C1QTNF3: variants seen among roughly 807,000 people sequenced by gnomAD.
The protein encoded by C1QTNF3 is complement C1q tumor necrosis factor-related protein 3.
C1QTNF3 carries 26 observed loss-of-function variants against 32.6 expected under a neutral mutation model. The ratio of observed to expected loss-of-function variants is 0.80; its 90% CI spans 0.58 to 1.11. The LOEUF (loss-of-function observed/expected upper bound fraction) is 1.11, where lower values mean the gene tolerates loss of function less well. Ranked by LOEUF, C1QTNF3 falls within the 50% of genes least tolerant of loss-of-function variation. The pLI is 0.00. For synonymous variants in C1QTNF3, 155 were observed against 146.0 expected, an observed-to-expected ratio of 1.06 and a Z score of -0.44; for missense variants, 362 against 398.2, an observed-to-expected ratio of 0.91 and a Z score of 0.77.
At chr5:34,132,435 G>GTATATATATATATA in the C1QTNF3 span, among the ~76,000 whole-genome samples, 502 of 137,436 alleles carry the variant, frequency 3.7e-3, 6 homozygotes, top group African/African-American at 5.4e-3. Flanking sequence ...GTATGTGTAT[G>GTATATATATATATA]TATATATATA....
chr5:34,207,217 A>G, the C1QTNF3 span, among the ~76,000 whole-genome samples: 1 of 152,082 alleles, frequency 6.6e-6, no homozygotes, highest in African/African-American at 2.4e-5. Context: ...CCTGGGGTAT[A>G]ATAAGAGATG....
the C1QTNF3 span, among the ~76,000 whole-genome samples, chr5:34,068,438 A>G: frequency 3.3e-5 from 5 of 151,994 alleles, no homozygotes; most frequent in African/African-American, 1.2e-4. Flanking sequence ...CATAAAATCA[A>G]TTGATCCTCA....
At chr5:34,035,803 A>C (rs771711195) in intron 1 of C1QTNF3, 45 bp from the exon 2 acceptor site, 8 of 1,450,762 alleles carry the variant, frequency 5.5e-6, no homozygotes, top group Non-Finnish European at 3.8e-6. Flanking sequence ...GGTACTTGTG[A>C]GCAATTAGGA....
chr5:34,020,197 T>A lies in C1QTNF3; in HGVS notation c.*386A>T, dbSNP rs1276188733. 5.7e-6 allele frequency: 1 copy of A among 176,074 alleles called. No individual in the cohort carries two copies. Among genetic ancestry groups the A allele is most frequent in the African/African-American group, 2.4e-5 (1 of 42,046 alleles). 10.9% of individuals were successfully genotyped at this position (176,074 alleles called of 1,614,324 possible). ...CGATTCTCTCAAATGTTATAAAGAA[T>A]AATGAACTTAAAACTTCAGGGGTTC... On this transcript the variant is annotated 3_prime_UTR_variant, in exon 6 of 6. Coordinates refer to ENST00000382065, the MANE Select transcript of C1QTNF3 (RefSeq NM_181435.6).
At chr5:34,102,641 G>A in the C1QTNF3 span, among the ~76,000 whole-genome samples, 1 of 152,054 alleles carries the variant, frequency 6.6e-6, no homozygotes, top group East Asian at 1.9e-4. Flanking sequence ...AAGAAACACT[G>A]AATTACCCTT....
intron 3 of C1QTNF3, among the ~76,000 whole-genome samples, chr5:34,030,403 G>A (rs1409515432): frequency 3.9e-5 from 6 of 152,184 alleles, no homozygotes; most frequent in Non-Finnish European, 8.8e-5. Context: ...AAAGATATGA[G>A]ATTAAGGTCC....
At chr5:34,059,205 C>T in the C1QTNF3 span, among the ~76,000 whole-genome samples, 32 of 152,152 alleles carry the variant, frequency 2.1e-4, no homozygotes, top group Admixed American at 3.9e-4. Flanking sequence ...TGTGTGTCTC[C>T]TTGGTTTGCA....
Position 34,024,016 on chromosome 5 carries a change from A to C in C1QTNF3, c.701-8T>G. 2 of 1,610,238 alleles carry C rather than the reference A, an allele frequency of 1.2e-6. No homozygotes were observed. Among genetic ancestry groups the C allele is most frequent in the Non-Finnish European group, 1.7e-6 (2 of 1,176,738 alleles). On this transcript the variant is annotated splice_region_variant and splice_polypyrimidine_tract_variant and intron_variant, in intron 4 of 5. Transcript: ENST00000382065. ...AGGTGAAGAAATACACACCTGAAAA[A>C]AGCAGGTATATATCCATGTTGATAT...
chr5:34,044,748 A>G (rs1561063220), upstream of C1QTNF3, among the ~76,000 whole-genome samples: 2 of 152,174 alleles, frequency 1.3e-5, no homozygotes. Flanking sequence ...GTTCAGTCCA[A>G]GCAGTCAGTT....
chr5:34,211,644 T>A, the C1QTNF3 span, among the ~76,000 whole-genome samples: 1 of 150,646 alleles, frequency 6.6e-6, no homozygotes, highest in Non-Finnish European at 1.5e-5. Context: ...ATCCGGTGTT[T>A]GGTTTTTTGT....
rs748724274 is a variant in C1QTNF3 at position 34,028,861 on chromosome 5, G to A, written c.593C>T (p.Ala198Val). The change falls in exon 4 of 6, where the codon GCA (alanine) becomes GTA (valine). Residue 198 changes from alanine (A) to valine (V), a missense_variant. Transcript: ENST00000382065. Reference sequence around the variant, plus strand: ...ACTGTTCTGATTGCTGAAGTGGGTTGCCAGAGAAGCCATGAATGCAATCTA... The same window carrying A: ...ACTGTTCTGATTGCTGAAGTGGGTTACCAGAGAAGCCATGAATGCAATCTA... ...ELQIAFMASLATHFSNQNSGI... is the reference protein window; with the variant it reads ...ELQIAFMASLVTHFSNQNSGI... 1 of 1,611,558 alleles carries A rather than the reference G, an allele frequency of 6.2e-7. No individual in the cohort carries two copies. The highest frequency in any genetic ancestry group is 8.5e-7 in the Non-Finnish European group (1 of 1,178,608).
chr5:34,070,432 C>T, the C1QTNF3 span, among the ~76,000 whole-genome samples: 1 of 152,108 alleles, frequency 6.6e-6, no homozygotes, highest in Non-Finnish European at 1.5e-5. Flanking sequence ...ACTTATAAAA[C>T]TATGACATAT....
At chr5:34,161,699 T>C in the C1QTNF3 span, among the ~76,000 whole-genome samples, 58 of 152,310 alleles carry the variant, frequency 3.8e-4, no homozygotes, top group African/African-American at 1.4e-3. Context: ...CATAGTGAAA[T>C]AGTTCTTATT....
chr5:34,021,602 C>T (rs1486400400), intron 5 of C1QTNF3, among the ~76,000 whole-genome samples: 1 of 152,176 alleles, frequency 6.6e-6, no homozygotes, highest in Non-Finnish European at 1.5e-5. Context: ...GAGTTCATGC[C>T]CTTTGCAGGG....
Position 34,028,287 on chromosome 5 carries a change from AG to A in C1QTNF3, c.700+466del, listed in dbSNP as rs551972390. 4.1e-4 allele frequency among the ~76,000 whole-genome samples: 62 copies of A among 152,194 alleles called. 1 individual carries two copies. Among genetic ancestry groups the A allele is most frequent in the Admixed American group, 1.2e-3 (18 of 15,274 alleles). ...GCGCCGGGCCTTAACTTTTTAAATA[AG>A]TAAATGTATTACCTGCTCAATTTCT... is the stretch of plus-strand genomic sequence containing the variant. On this transcript the variant is annotated intron_variant, in intron 4 of 5. Transcript: ENST00000382065.
the C1QTNF3 span, among the ~76,000 whole-genome samples, chr5:34,099,412 C>T: frequency 2.6e-5 from 4 of 152,118 alleles, no homozygotes; most frequent in African/African-American, 9.7e-5. Context: ...CATTTAATTG[C>T]TTATTTAATT....
At chr5:34,205,723 G>A in the C1QTNF3 span, among the ~76,000 whole-genome samples, 1 of 149,756 alleles carries the variant, frequency 6.7e-6, no homozygotes, top group East Asian at 2.0e-4. Context: ...TAATATAGAT[G>A]TTTACATATA....
chr5:34,160,042 A>C, the C1QTNF3 span, among the ~76,000 whole-genome samples: 1 of 152,202 alleles, frequency 6.6e-6, no homozygotes, highest in Non-Finnish European at 1.5e-5. Context: ...ATTGAGAAAA[A>C]ATATACAAAT....
At chr5:34,234,398 C>T in the C1QTNF3 span, among the ~76,000 whole-genome samples, 1 of 152,118 alleles carries the variant, frequency 6.6e-6, no homozygotes, top group African/African-American at 2.4e-5. Flanking sequence ...CAAAAGACTA[C>T]TCATGAAATA....
Sources: gnomAD v4.1 joint callset for allele counts (sites outside exome capture counted in the v4.1 genomes callset) on GRCh38, gnomAD v4.1.1 for gene constraint, MANE v1.5 for transcripts, NCBI Gene and HGNC (gene_info 2026-07-23, HGNC 2026-07-21) for gene names.